Variants in RALGPS1 observed in about 807,000 individuals in gnomAD.
RALGPS1 encodes Ral GEF with PH domain and SH3 binding motif 1, also known as ras-specific guanine nucleotide-releasing factor RalGPS1.
In RALGPS1, 19 loss-of-function variants were observed where a neutral mutation model predicts 78.8. The ratio of observed to expected loss-of-function variants is 0.24; its 90% CI spans 0.17 to 0.35. RALGPS1 has a LOEUF of 0.35. Among genes scored for constraint, RALGPS1 ranks in the 10% least tolerant of loss-of-function variants. RALGPS1 has a pLI of 1.00. For synonymous variants in RALGPS1, 228 were observed against 256.3 expected (o/e 0.89, Z 1.06); for missense variants, 454 against 688.3 (o/e 0.66, Z 3.81).
At chr9:127,208,787 C>G (rs142479156) in intron 14 of RALGPS1, among the ~76,000 whole-genome samples, 42 of 152,328 alleles carry the variant, frequency 2.8e-4, no homozygotes, top group African/African-American at 9.4e-4. Flanking sequence ...GTTTCAAGCT[C>G]TCCATCAACA....
intron 10 of RALGPS1, among the ~76,000 whole-genome samples, chr9:127,170,552 TGGCTCTTCCTGAA>T (rs2059519037): frequency 6.6e-6 from 1 of 152,234 alleles, no homozygotes; most frequent in South Asian, 2.1e-4. Flanking sequence ...TACGAAGCAT[TGGCTCTTCCTGAA>T]AAGAGTGCCC....
chr9:127,144,874 G>A (rs2058008861), intron 8 of RALGPS1, among the ~76,000 whole-genome samples: 1 of 152,232 alleles, frequency 6.6e-6, no homozygotes, highest in Non-Finnish European at 1.5e-5. Context: ...CTTAATGGGT[G>A]TAGCATTCCA....
At chr9:127,156,262 G>A (rs2058703456) in intron 8 of RALGPS1, among the ~76,000 whole-genome samples, 2 of 152,150 alleles carry the variant, frequency 1.3e-5, no homozygotes, top group African/African-American at 4.8e-5. Context: ...ATTAATGTTT[G>A]TAGTAGTATT....
At chr9:126,980,806 C>T (rs2041179805) in intron 4 of RALGPS1, among the ~76,000 whole-genome samples, 1 of 152,184 alleles carries the variant, frequency 6.6e-6, no homozygotes, top group African/African-American at 2.4e-5. Context: ...GCCCCTGTTG[C>T]ATGTGGGTGT....
At chr9:127,015,982 T>C (rs2044782541) in intron 4 of RALGPS1, among the ~76,000 whole-genome samples, 1 of 152,054 alleles carries the variant, frequency 6.6e-6, no homozygotes, top group African/African-American at 2.4e-5. Context: ...CTTTCCTTTC[T>C]TCCCTTTCTT....
chr9:127,037,707 A>G (rs948965863), intron 5 of RALGPS1, among the ~76,000 whole-genome samples: 2 of 152,188 alleles, frequency 1.3e-5, no homozygotes, highest in Non-Finnish European at 2.9e-5. Context: ...GGCTTGTATC[A>G]TATTCCGAGG....
At chr9:127,140,727 A>G (rs1295373797) in intron 8 of RALGPS1, among the ~76,000 whole-genome samples, 3 of 152,190 alleles carry the variant, frequency 2.0e-5, no homozygotes, top group Non-Finnish European at 4.4e-5. Context: ...ATTGAAAAAA[A>G]AAGTTTTAAC....
chr9:126,918,549 C>T (rs1307998293), intron 1 of RALGPS1, among the ~76,000 whole-genome samples: 1 of 152,094 alleles, frequency 6.6e-6, no homozygotes. Flanking sequence ...TCTCGAACTC[C>T]TGGGCTCAAG....
intron 1 of RALGPS1, among the ~76,000 whole-genome samples, chr9:126,926,596 C>G (rs1347860574): frequency 6.6e-6 from 1 of 152,038 alleles, no homozygotes; most frequent in East Asian, 1.9e-4. Flanking sequence ...GAGGGACTTG[C>G]AGGCAGTGCC....
rs1292079384 is a variant in RALGPS1 at position 127,013,268 on chromosome 9, G to A, written c.217-21163G>A. Among the ~76,000 whole-genome samples the A allele has an allele frequency of 2.0e-5, 3 of 152,158 alleles. No homozygotes were observed. In the East Asian group the frequency reaches 5.8e-4, roughly 29 times the overall value. ...AATAGAGTGGCCCCACTATGGCCTTGGTTCTGTGGGCGCTGGCAGAGCAAG... is the reference window on the plus strand; with the variant it reads ...AATAGAGTGGCCCCACTATGGCCTTAGTTCTGTGGGCGCTGGCAGAGCAAG... On this transcript the variant is annotated intron_variant, in intron 4 of 18. Coordinates refer to ENST00000259351, the MANE Select transcript of RALGPS1 (RefSeq NM_014636.3).
chr9:127,169,487 A>G (rs1487865402), intron 10 of RALGPS1, among the ~76,000 whole-genome samples: 2 of 152,116 alleles, frequency 1.3e-5, no homozygotes, highest in African/African-American at 4.8e-5. Context: ...TCTGTCTGCC[A>G]TACTGCTTGG....
chr9:127,118,115 C>A (rs1387969607), intron 8 of RALGPS1, among the ~76,000 whole-genome samples: 1 of 152,222 alleles, frequency 6.6e-6, no homozygotes, highest in Admixed American at 6.5e-5. Context: ...AGTGCAGTGG[C>A]GCGATCTCAG....
At chr9:127,109,751 G>T (rs2054613446) in intron 8 of RALGPS1, among the ~76,000 whole-genome samples, 4 of 152,214 alleles carry the variant, frequency 2.6e-5, no homozygotes, top group Admixed American at 2.6e-4. Flanking sequence ...CCCTCATGGG[G>T]CTTTCACATC....
intron 1 of RALGPS1, among the ~76,000 whole-genome samples, chr9:126,916,880 C>G (rs1313505781): frequency 6.6e-6 from 1 of 152,170 alleles, no homozygotes; most frequent in African/African-American, 2.4e-5. Context: ...AGCAGGATGA[C>G]AGGGCTTTTT....
chr9:127,185,144 C>T (rs1160681693), intron 11 of RALGPS1, among the ~76,000 whole-genome samples: 1 of 152,216 alleles, frequency 6.6e-6, no homozygotes, highest in African/African-American at 2.4e-5. Flanking sequence ...GTCCCCCTCC[C>T]TCCATACCCC....
chr9:127,076,492 T>C (rs2050693664), intron 8 of RALGPS1, among the ~76,000 whole-genome samples: 1 of 152,242 alleles, frequency 6.6e-6, no homozygotes, highest in Non-Finnish European at 1.5e-5. Flanking sequence ...AGAACGTAAG[T>C]TATTCCTTCA....
intron 8 of RALGPS1, among the ~76,000 whole-genome samples, chr9:127,078,009 A>G (rs2050827802): frequency 6.6e-6 from 1 of 152,114 alleles, no homozygotes; most frequent in African/African-American, 2.4e-5. Context: ...ACAGGGGCCA[A>G]CTTGCTGCCC....
intron 3 of RALGPS1, among the ~76,000 whole-genome samples, chr9:126,968,289 G>A (rs1339199395): frequency 6.6e-6 from 1 of 152,160 alleles, no homozygotes; most frequent in Non-Finnish European, 1.5e-5. Context: ...ACAGGCATGA[G>A]CCACCGCACC....
chr9:127,108,041 T>C, intron 8 of RALGPS1: 2 of 1,602,430 alleles, frequency 1.2e-6, no homozygotes, highest in Non-Finnish European at 1.7e-6. Flanking sequence ...ATGATGCGGT[T>C]GTAGGTGGGT....
Sources: gnomAD v4.1 joint callset for allele counts (sites outside exome capture counted in the v4.1 genomes callset) on GRCh38, gnomAD v4.1.1 for gene constraint, MANE v1.5 for transcripts, NCBI Gene and HGNC (gene_info 2026-07-23, HGNC 2026-07-21) for gene names.